Variants in CLDN12 observed in about 807,000 individuals in gnomAD.
The protein encoded by CLDN12 is claudin 12, also known as claudin-12.
Under a neutral mutation model 15.5 loss-of-function variants are expected in CLDN12, and 9 were observed. The ratio of observed to expected loss-of-function variants is 0.58; its 90% confidence interval spans 0.35 to 1.02. The LOEUF is 1.02. CLDN12 is among the 50% of genes least tolerant of loss of function. CLDN12 has a pLI of 0.02. For synonymous variants in CLDN12, 140 were observed against 121.6 expected (o/e 1.15, Z -1.00); for missense variants, 233 against 297.3 (o/e 0.78, Z 1.59).
chr7:90,410,871 C>T (rs1303219556), intron 2 of CLDN12, among the ~76,000 whole-genome samples: 1 of 151,980 alleles, frequency 6.6e-6, no homozygotes, highest in Non-Finnish European at 1.5e-5. Flanking sequence ...GTGACGTGTG[C>T]TTATGGTCCC....
chr7:90,404,897 T>A (rs17869501), intron 1 of CLDN12, among the ~76,000 whole-genome samples: 206 of 152,008 alleles, frequency 1.4e-3, no homozygotes, highest in East Asian at 0.01. Flanking sequence ...TTTATTTTTT[T>A]TTTTTTATTA....
rs1471546613 is a variant in CLDN12, at chr7:90,414,376, C to T, written c.*965C>T. On this transcript the variant is annotated 3_prime_UTR_variant, in exon 4 of 4. Transcript: ENST00000496677. ...CTTTACCATAACCTTGATTCATTCA[C>T]CCTTGATTCATTTCTCGCCCCCGTC... The T allele has an allele frequency of 3.5e-5, 35 of 1,000,090 alleles. No homozygotes were observed. The highest frequency in any genetic ancestry group is 4.2e-5 in the Non-Finnish European group (35 of 830,008). The allele number at this position is 1,000,090 out of a possible 1,614,324, so 62.0% of individuals were successfully genotyped here. A position where few individuals can be genotyped will look rare whatever the true frequency, so the allele number is the denominator to read the frequency against.
Position 90,413,362 on chromosome 7 carries a change from G to T in CLDN12, c.686G>T (p.Arg229Leu), listed in dbSNP as rs763777074. ...TYSQPYSARS[R>L]LSAIEIDIPV... is the part of the protein sequence containing the mutation. ...TCACAGCCCTATTCAGCACGCTCTC[G>T]CCTCTCTGCCATTGAAATTGACATT... Residue 229 changes from arginine to leucine, a missense_variant, in exon 4 of 4, where the codon CGC becomes CTC. Coordinates refer to ENST00000496677, the MANE Select transcript of CLDN12 (RefSeq NM_001185072.3). 4.5e-5 allele frequency: 73 copies of T among 1,613,826 alleles called. No individual in the cohort carries two copies. The highest frequency in any genetic ancestry group is 6.1e-5 in the Non-Finnish European group (72 of 1,179,942).
chr7:90,404,844 T>C (rs145939824), intron 1 of CLDN12, among the ~76,000 whole-genome samples: 10 of 152,142 alleles, frequency 6.6e-5, no homozygotes, highest in Non-Finnish European at 1.3e-4. Flanking sequence ...ATATTCTATA[T>C]ATTTCTCATA....
chr7:90,410,283 T>G (rs887713487), intron 2 of CLDN12, among the ~76,000 whole-genome samples: 3 of 152,110 alleles, frequency 2.0e-5, no homozygotes, highest in African/African-American at 7.2e-5. Context: ...AAAAAAATAC[T>G]GTAATTAGTC....
chr7:90,411,601 C>T (rs187431675), intron 2 of CLDN12, among the ~76,000 whole-genome samples: 212 of 151,596 alleles, frequency 1.4e-3, no homozygotes, highest in African/African-American at 4.7e-3. Context: ...CTGTAGATTT[C>T]CCTGAAAATC....
In CLDN12 at chr7:90,414,977, C is replaced by T. The variant is rs563896573; in HGVS notation, c.*1566C>T. On this transcript the variant is annotated 3_prime_UTR_variant, in exon 4 of 4. Coordinates refer to ENST00000496677, the MANE Select transcript of CLDN12 (RefSeq NM_001185072.3). ...ATTTACTACATATTAGTACTATATT[C>T]GTAAGGATTTTTTATTAACCATTAC... The T allele has an allele frequency of 1.2e-5, 2 of 167,014 alleles. No individual in the cohort carries two copies. Among genetic ancestry groups the T allele is most frequent in the African/African-American group, 2.4e-5 (1 of 41,542 alleles). The allele number at this position is 167,014 out of a possible 1,614,324, so 10.3% of individuals were successfully genotyped here. A position where few individuals can be genotyped will look rare whatever the true frequency, so the allele number is the denominator to read the frequency against.
At position 90,413,006 on chromosome 7, in the gene CLDN12, C is replaced by T; in HGVS notation, c.330C>T (p.Asn110=). The T allele has an allele frequency of 6.2e-7, 1 of 1,614,200 alleles. No individual in the cohort carries two copies. The highest frequency in any genetic ancestry group is 8.5e-7 in the Non-Finnish European group (1 of 1,180,042). ...ALLLCLIGMC[N]TAFRSSVPNI... ...TGCTCTGCCTGATTGGAATGTGCAA[C>T]ACTGCCTTCAGGTCCTCGGTGCCCA... The change falls in exon 4 of 4, where the codon AAC becomes AAT. Residue 110 remains asparagine (N), a synonymous_variant. Coordinates refer to ENST00000496677, the MANE Select transcript of CLDN12 (RefSeq NM_001185072.3).
Position 90,413,322 on chromosome 7 carries a change from A to T in CLDN12, c.646A>T (p.Ser216Cys), listed in dbSNP as rs1797006667. Residue 216 changes from serine (S) to cysteine (C), a missense_variant, in exon 4 of 4, where the codon AGT becomes TGT. Ser to Cys is a moderately radical substitution (Grantham distance 112). Coordinates refer to ENST00000496677, the MANE Select transcript of CLDN12 (RefSeq NM_001185072.3). The stretch of plus-strand genomic sequence containing the variant: ...GCAACCATTGTACTCCCATCCACCC[A>T]GTATGCATACTTACTCACAGCCCTA... ...FWQPLYSHPP[S>C]MHTYSQPYSA... 1 of 1,614,160 alleles carries T rather than the reference A, an allele frequency of 6.2e-7. No homozygotes were observed. Among genetic ancestry groups the T allele is most frequent in the South Asian group, 1.1e-5 (1 of 91,078 alleles).
In CLDN12 at chr7:90,412,797, T is replaced by G; in HGVS notation, c.121T>G (p.Phe41Val). Residue 41 changes from phenylalanine to valine, a missense_variant, in exon 4 of 4, where the codon TTC becomes GTC. By Grantham distance (50) the Phe-to-Val change is conservative. Transcript: ENST00000496677. ...CTGGAGAAAATTACGATTGATCACATTCAACAGAAACGAGAAGAACCTGAC... is the reference window on the plus strand; with the variant it reads ...CTGGAGAAAATTACGATTGATCACAGTCAACAGAAACGAGAAGAACCTGAC... ...PNWRKLRLIT[F>V]NRNEKNLTVY... is the part of the protein sequence containing the mutation. 6.2e-7 allele frequency: 1 copy of G among 1,614,218 alleles called. No homozygotes were observed. The highest frequency in any genetic ancestry group is 8.5e-7 in the Non-Finnish European group (1 of 1,180,036).
chr7:90,413,482 G>A lies in CLDN12; in HGVS notation c.*71G>A. Reference sequence around the variant, plus strand: ...TTCCCCTTGTGCAAAGAGCTCTTTTGGACCTACATACATTTTCCTTTGTTT... The same window carrying A: ...TTCCCCTTGTGCAAAGAGCTCTTTTAGACCTACATACATTTTCCTTTGTTT... On this transcript the variant is annotated 3_prime_UTR_variant, in exon 4 of 4. Transcript: ENST00000496677. 1 of 1,546,240 alleles carries A rather than the reference G, an allele frequency of 6.5e-7. No individual in the cohort carries two copies. The highest frequency in any genetic ancestry group is 8.7e-7 in the Non-Finnish European group (1 of 1,148,816).
In CLDN12 at chr7:90,415,922, T is replaced by A. The variant is rs1414150112; in HGVS notation, c.*2511T>A. ...AACCTCAATAAAAGTGCGCTGTACT[T>A]CTTAATGTTTATTAAAAGATGTATT... is the stretch of plus-strand genomic sequence containing the variant. On this transcript the variant is annotated 3_prime_UTR_variant, in exon 4 of 4. Transcript: ENST00000496677. 1 of 166,676 alleles carries A rather than the reference T, an allele frequency of 6.0e-6. No homozygotes were observed. Among genetic ancestry groups the A allele is most frequent in the Non-Finnish European group, 1.5e-5 (1 of 68,134 alleles). The allele number at this position is 166,676 out of a possible 1,614,324, so 10.3% of individuals were successfully genotyped here. A position where few individuals can be genotyped will look rare whatever the true frequency, so the allele number is the denominator to read the frequency against.
In CLDN12 at chr7:90,405,619, C is replaced by T. The variant is rs949381040; in HGVS notation, c.-77+11C>T. On this transcript the variant is annotated intron_variant, in intron 2 of 3. Transcript: ENST00000496677. ...CAGGTACCTCAAAGCGTAAGTACGT[C>T]CTTTAATTATATCTTATTTCCCTCC... 1.6e-4 allele frequency: 25 copies of T among 152,144 alleles called. No homozygotes were observed. Among genetic ancestry groups the T allele is most frequent in the African/African-American group, 5.8e-4 (24 of 41,424 alleles). The allele number at this position is 152,144 out of a possible 1,614,324, so 9.4% of individuals were successfully genotyped here. A position where few individuals can be genotyped will look rare whatever the true frequency, so the allele number is the denominator to read the frequency against.
In CLDN12 at chr7:90,415,583, TTTTTC is replaced by T. The variant is rs1272900117; in HGVS notation, c.*2176_*2180del. ...ACAAACAGCTGTTTCCTTATTGTCT[TTTTTC>T]TTTAGTGTTTCTGATTTGCTATCAG... On this transcript the variant is annotated 3_prime_UTR_variant, in exon 4 of 4. Transcript: ENST00000496677. The T allele has an allele frequency of 6.0e-6, 1 of 166,978 alleles. No homozygotes were observed. Among genetic ancestry groups the T allele is most frequent in the Non-Finnish European group, 1.5e-5 (1 of 68,106 alleles). The allele number at this position is 166,978 out of a possible 1,614,324, so 10.3% of individuals were successfully genotyped here. A position where few individuals can be genotyped will look rare whatever the true frequency, so the allele number is the denominator to read the frequency against.
At position 90,413,642 on chromosome 7, in the gene CLDN12, A is replaced by G; in HGVS notation, c.*231A>G. The G allele has an allele frequency of 1.5e-6, 2 of 1,292,742 alleles. No individual in the cohort carries two copies. Among genetic ancestry groups the G allele is most frequent in the Non-Finnish European group, 2.0e-6 (2 of 1,015,320 alleles). The allele number at this position is 1,292,742 out of a possible 1,614,324, so 80.1% of individuals were successfully genotyped here. On this transcript the variant is annotated 3_prime_UTR_variant, in exon 4 of 4. Coordinates refer to ENST00000496677, the MANE Select transcript of CLDN12 (RefSeq NM_001185072.3). The stretch of plus-strand genomic sequence containing the variant: ...TACTGGAAGGAATTTTAGCCTTCAT[A>G]TTGATATCTAATTAATTATTTAAGT...
chr7:90,412,854 C>A lies in CLDN12; in HGVS notation c.178C>A (p.Arg60=), dbSNP rs367561054. 2 of 1,614,178 alleles carry A rather than the reference C, an allele frequency of 1.2e-6. No homozygotes were observed. Among genetic ancestry groups the A allele is most frequent in the Admixed American group, 1.7e-5 (1 of 60,026 alleles). Residue 60 remains arginine, a synonymous_variant, in exon 4 of 4, where the codon CGG becomes AGG. Transcript: ENST00000496677. ...VYTGLWVKCA[R]YDGSSDCLMY... ...CACAGGCCTGTGGGTGAAATGTGCC[C>A]GGTATGACGGGAGCAGTGACTGCCT...
rs574014370 is a variant in CLDN12 at position 90,413,228 on chromosome 7, C to T, written c.552C>T (p.Gly184=). 2 of 1,614,002 alleles carry T rather than the reference C, an allele frequency of 1.2e-6. No individual in the cohort carries two copies. The highest frequency in any genetic ancestry group is 1.3e-5 in the African/African-American group (1 of 74,924). ...ATGTCACTATTGCTAGTGCTGGGGG[C>T]CTGTTTATGACTTCCCTTATACTAT... ...AVYVTIASAG[G]LFMTSLILFI... Residue 184 remains glycine (G), a synonymous_variant, in exon 4 of 4, where the codon GGC becomes GGT. Transcript: ENST00000496677.
At chr7:90,404,727 C>A (rs1409657406) in intron 1 of CLDN12, among the ~76,000 whole-genome samples, 1 of 152,064 alleles carries the variant, frequency 6.6e-6, no homozygotes, top group Admixed American at 6.6e-5. Flanking sequence ...CATTAAATAT[C>A]AATCATATAT....
Position 90,412,801 on chromosome 7 carries a change from A to G in CLDN12, c.125A>G (p.Asn42Ser). 1.2e-6 allele frequency: 2 copies of G among 1,614,192 alleles called. No homozygotes were observed. The highest frequency in any genetic ancestry group is 1.7e-6 in the Non-Finnish European group (2 of 1,180,030). Reference sequence around the variant, plus strand: ...AGAAAATTACGATTGATCACATTCAACAGAAACGAGAAGAACCTGACTGTT... The same window carrying G: ...AGAAAATTACGATTGATCACATTCAGCAGAAACGAGAAGAACCTGACTGTT... ...NWRKLRLITF[N>S]RNEKNLTVYT... The change falls in exon 4 of 4, where the codon AAC becomes AGC. Residue 42 changes from asparagine to serine, a missense_variant. Transcript: ENST00000496677.
Sources: gnomAD v4.1 joint callset for allele counts (sites outside exome capture counted in the v4.1 genomes callset) on GRCh38, gnomAD v4.1.1 for gene constraint, MANE v1.5 for transcripts, NCBI Gene and HGNC (gene_info 2026-07-23, HGNC 2026-07-21) for gene names.